The following QTMAN variants were observed in gnomAD, a reference collection of about 807,000 sequenced individuals.
QTMAN encodes the protein tRNA-queuosine alpha-mannosyltransferase.
chr2:144,133,486 A>T, the QTMAN span, among the ~76,000 whole-genome samples: 96 of 82,444 alleles, frequency 1.2e-3, no homozygotes, highest in African/African-American at 3.8e-3. Flanking sequence ...TAATATATAA[A>T]ATATATATTA....
At chr2:144,018,285 T>C in the QTMAN span, among the ~76,000 whole-genome samples, 1 of 152,130 alleles carries the variant, frequency 6.6e-6, no homozygotes, top group Non-Finnish European at 1.5e-5. Context: ...AACCTGAATA[T>C]ATCAAAATTA....
At chr2:144,325,663 C>A in the QTMAN span, among the ~76,000 whole-genome samples, 1 of 152,074 alleles carries the variant, frequency 6.6e-6, no homozygotes, top group African/African-American at 2.4e-5. Flanking sequence ...GTGTTTACCT[C>A]AACATAATTA....
the QTMAN span, among the ~76,000 whole-genome samples, chr2:144,266,475 A>G: frequency 6.6e-6 from 1 of 152,212 alleles, no homozygotes; most frequent in South Asian, 2.1e-4. Flanking sequence ...ATACAACAAT[A>G]TCTACTTTGC....
At chr2:144,016,804 A>C in the QTMAN span, among the ~76,000 whole-genome samples, 28 of 152,236 alleles carry the variant, frequency 1.8e-4, no homozygotes, top group South Asian at 5.8e-3. Context: ...ACTATGGCGG[A>C]AAAAGGGCAA....
the QTMAN span, among the ~76,000 whole-genome samples, chr2:144,061,243 C>T: frequency 6.6e-6 from 1 of 152,056 alleles, no homozygotes; most frequent in Non-Finnish European, 1.5e-5. Context: ...TGTCCAGGAA[C>T]TCTCCTCTCC....
At chr2:144,112,373 G>C in the QTMAN span, among the ~76,000 whole-genome samples, 1 of 152,206 alleles carries the variant, frequency 6.6e-6, no homozygotes, top group Non-Finnish European at 1.5e-5. Flanking sequence ...AGATTAGCTA[G>C]AGAACTTTGA....
the QTMAN span, among the ~76,000 whole-genome samples, chr2:143,981,327 G>A: frequency 6.6e-6 from 1 of 151,888 alleles, no homozygotes; most frequent in South Asian, 2.1e-4. Context: ...GAAATGACAT[G>A]AAGAACCATG....
At chr2:143,942,274 G>A in the QTMAN span, 1 of 167,218 alleles carries the variant, frequency 6.0e-6, no homozygotes, top group East Asian at 1.9e-4. Flanking sequence ...TGAAGAAACC[G>A]ATCGCAAATT....
the QTMAN span, among the ~76,000 whole-genome samples, chr2:144,206,194 G>A: frequency 3.3e-5 from 5 of 152,108 alleles, no homozygotes; most frequent in African/African-American, 4.8e-5. Flanking sequence ...AGACACACTC[G>A]TATTTGTTCA....
chr2:144,279,235 A>G, the QTMAN span, among the ~76,000 whole-genome samples: 3 of 152,270 alleles, frequency 2.0e-5, no homozygotes, highest in East Asian at 5.8e-4. Flanking sequence ...AAAAGCTTAT[A>G]TAACTTCAGC....
chr2:144,118,602 G>C, the QTMAN span, among the ~76,000 whole-genome samples: 1 of 152,138 alleles, frequency 6.6e-6, no homozygotes, highest in Non-Finnish European at 1.5e-5. Flanking sequence ...ACGGATTGTG[G>C]GCCAGGCGCA....
At chr2:144,165,395 A>G in the QTMAN span, among the ~76,000 whole-genome samples, 16 of 127,528 alleles carry the variant, frequency 1.3e-4, no homozygotes, top group African/African-American at 4.4e-4. Flanking sequence ...ATAAATATAA[A>G]TAAATAAATA....
At chr2:144,168,252 A>G in the QTMAN span, among the ~76,000 whole-genome samples, 1 of 152,162 alleles carries the variant, frequency 6.6e-6, no homozygotes, top group African/African-American at 2.4e-5. Flanking sequence ...TTTACGAGAA[A>G]TGTCTTGGCC....
the QTMAN span, among the ~76,000 whole-genome samples, chr2:144,102,698 T>A: frequency 2.0e-5 from 3 of 152,228 alleles, no homozygotes. Context: ...TGGTCAGTGA[T>A]TTTTCTCTTC....
chr2:144,109,604 C>G, the QTMAN span, among the ~76,000 whole-genome samples: 2 of 151,948 alleles, frequency 1.3e-5, no homozygotes, highest in South Asian at 2.1e-4. Flanking sequence ...TCAGAGTGAA[C>G]AGGCAACCTA....
At chr2:144,041,118 CACAATCCTATAT>C in the QTMAN span, among the ~76,000 whole-genome samples, 3 of 152,154 alleles carry the variant, frequency 2.0e-5, no homozygotes, top group South Asian at 6.2e-4. Flanking sequence ...TTGAGAATTT[CACAATCCTATAT>C]GCTAAATATA....
At chr2:144,009,317 G>C in the QTMAN span, among the ~76,000 whole-genome samples, 8 of 152,052 alleles carry the variant, frequency 5.3e-5, no homozygotes, top group African/African-American at 1.7e-4. Flanking sequence ...GGTGGAGATA[G>C]GCTTTCAGAA....
At chr2:144,310,086 T>A in the QTMAN span, among the ~76,000 whole-genome samples, 2 of 152,052 alleles carry the variant, frequency 1.3e-5, no homozygotes, top group African/African-American at 4.8e-5. Context: ...AAACATAAAG[T>A]AGTTGCAGGG....
At chr2:144,262,978 AGAGGG>A in the QTMAN span, among the ~76,000 whole-genome samples, 9 of 39,568 alleles carry the variant, frequency 2.3e-4, no homozygotes, top group Non-Finnish European at 2.8e-4. Flanking sequence ...GGAAGGGAGG[AGAGGG>A]GAGGGGAGGG....
Sources: allele counts gnomAD v4.1 joint callset (sites outside exome capture counted in the v4.1 genomes callset), GRCh38; gene constraint gnomAD v4.1.1; transcripts MANE v1.5; gene names NCBI Gene and HGNC (gene_info 2026-07-23, HGNC 2026-07-21).